Variants in EYS observed in about 807,000 individuals in gnomAD.
The protein encoded by EYS is EGF-like photoreceptor maintenance factor.
A neutral mutation model predicts 282.1 loss-of-function variants in EYS; 250 were observed. The ratio of observed to expected loss-of-function variants is 0.89; its 90% CI spans 0.80 to 0.98. The LOEUF (loss-of-function observed/expected upper bound fraction) is 0.98. Ranked by LOEUF, EYS falls within the 50% of genes least tolerant of loss-of-function variation. The probability of loss-of-function intolerance (pLI) is 0.00; values close to 1 mark genes in which losing one functional copy is unlikely to be tolerated. For synonymous variants in EYS, 1,355 were observed against 1,282.9 expected (o/e 1.06, Z -1.20); for missense variants, 4,016 against 3,709.0 (o/e 1.08, Z -2.15).
intron 2 of EYS, among the ~76,000 whole-genome samples, chr6:65,552,564 T>A (rs1768633194): frequency 6.6e-6 from 1 of 152,154 alleles, no homozygotes; most frequent in Non-Finnish European, 1.5e-5. Context: ...GCTGAATTTC[T>A]CATATATCGA....
Position 63,938,813 on chromosome 6 carries a change from C to T in EYS, c.7055+45570G>A, listed in dbSNP as rs138903799. ...GGAAAAGCCTAATTTCTAAGTCACA[C>T]GTGTACTCAAGGGTGCTGAGTTGGA... is the stretch of plus-strand genomic sequence containing the variant. On this transcript the variant is annotated intron_variant, in intron 35 of 42. Transcript: ENST00000503581. 6.7e-3 allele frequency among the ~76,000 whole-genome samples: 1,019 copies of T among 152,290 alleles called. 14 individuals carry two copies. Among genetic ancestry groups the T allele is most frequent in the African/African-American group, 0.022 (914 of 41,554 alleles).
At chr6:65,187,711 T>C (rs1765546465) in intron 12 of EYS, among the ~76,000 whole-genome samples, 1 of 151,702 alleles carries the variant, frequency 6.6e-6, no homozygotes, top group Admixed American at 6.6e-5. Context: ...AAAAGCAAAC[T>C]CTTCTTTGTC....
At chr6:64,517,868 G>C (rs941021405) in intron 26 of EYS, among the ~76,000 whole-genome samples, 1 of 151,772 alleles carries the variant, frequency 6.6e-6, no homozygotes, top group Non-Finnish European at 1.5e-5. Flanking sequence ...TTAAATCTTT[G>C]TTTCTTTTTA....
chr6:65,309,149 G>C (rs1343520726), intron 11 of EYS, among the ~76,000 whole-genome samples: 1 of 152,204 alleles, frequency 6.6e-6, no homozygotes, highest in African/African-American at 2.4e-5. Context: ...GATAGCTGAT[G>C]AGATATTCTT....
At chr6:64,308,260 G>T (rs1307394096) in intron 29 of EYS, among the ~76,000 whole-genome samples, 4 of 151,986 alleles carry the variant, frequency 2.6e-5, no homozygotes, top group Non-Finnish European at 5.9e-5. Context: ...GGGGAAAAAT[G>T]ATAACAAAAA....
intron 28 of EYS, among the ~76,000 whole-genome samples, chr6:64,429,068 T>C (rs571361102): frequency 6.6e-5 from 10 of 152,192 alleles, no homozygotes; most frequent in African/African-American, 9.6e-5. Context: ...ATAAAAAATA[T>C]CTTTTTCTAG....
At chr6:65,519,045 A>G (rs1767246653) in intron 2 of EYS, among the ~76,000 whole-genome samples, 1 of 152,190 alleles carries the variant, frequency 6.6e-6, no homozygotes, top group Admixed American at 6.5e-5. Context: ...CTTTGAAATG[A>G]AGAAAAATGA....
intron 22 of EYS, among the ~76,000 whole-genome samples, chr6:64,766,279 CT>C (rs1312638127): frequency 2.6e-5 from 4 of 151,556 alleles, no homozygotes; most frequent in African/African-American, 9.7e-5. Flanking sequence ...CTCTCCTTTC[CT>C]TTTTTCTTTC....
In EYS at chr6:64,256,727, A is replaced by T. The variant is rs116639926; in HGVS notation, c.6192-25903T>A. Reference sequence around the variant, plus strand: ...AGCAAAAGTAGTAATTAGATTTGTCATTATGTACTACCAGCTATGAAGGAG... The same window carrying T: ...AGCAAAAGTAGTAATTAGATTTGTCTTTATGTACTACCAGCTATGAAGGAG... On this transcript the variant is annotated intron_variant, in intron 30 of 42. Transcript: ENST00000503581. Among the ~76,000 whole-genome samples the T allele has an allele frequency of 8.9e-3, 1,353 of 152,174 alleles. 9 individuals carry two copies. Among genetic ancestry groups the T allele is most frequent in the Non-Finnish European group, 0.013 (880 of 67,966 alleles).
At chr6:64,042,172 T>C (rs1483232503) in intron 33 of EYS, among the ~76,000 whole-genome samples, 1 of 152,200 alleles carries the variant, frequency 6.6e-6, no homozygotes, top group Non-Finnish European at 1.5e-5. Flanking sequence ...ATATTTTTGG[T>C]TAGTGATGGA....
intron 22 of EYS, among the ~76,000 whole-genome samples, chr6:64,784,885 G>C (rs1390535677): frequency 6.6e-6 from 1 of 152,024 alleles, no homozygotes; most frequent in Non-Finnish European, 1.5e-5. Context: ...ACAGCCCTTA[G>C]ATCAGTTGTA....
At chr6:65,614,511 T>C (rs1766115358) in intron 2 of EYS, among the ~76,000 whole-genome samples, 1 of 152,074 alleles carries the variant, frequency 6.6e-6, no homozygotes, top group Non-Finnish European at 1.5e-5. Context: ...GTCCAATGAA[T>C]GTCATGACTC....
At chr6:64,900,707 C>T (rs942485394) in intron 18 of EYS, among the ~76,000 whole-genome samples, 6 of 151,936 alleles carry the variant, frequency 3.9e-5, no homozygotes, top group Admixed American at 1.3e-4. Flanking sequence ...GTTAGAATGG[C>T]GATCATTAAA....
rs1185867411 is a variant in EYS at position 64,590,603 on chromosome 6, T to A, written c.5264A>T (p.Asp1755Val). Residue 1755 changes from aspartate (D) to valine (V), a missense_variant, in exon 26 of 43, where the codon GAT (aspartate) becomes GTT (valine). Transcript: ENST00000503581. ...DFELNLQIYPDVTLKTYSEIT... is the reference protein window; with the variant it reads ...DFELNLQIYPVVTLKTYSEIT... Reference sequence around the variant, plus strand: ...TTCTGAATATGTCTTTAAAGTAACATCCGGATAAATTTGTAAGTTTAACTC... The same window carrying A: ...TTCTGAATATGTCTTTAAAGTAACAACCGGATAAATTTGTAAGTTTAACTC... The A allele has an allele frequency of 1.9e-5, 29 of 1,551,192 alleles. No homozygotes were observed. Among genetic ancestry groups the A allele is most frequent in the Middle Eastern group, 1.7e-4 (1 of 6,008 alleles).
intron 2 of EYS, among the ~76,000 whole-genome samples, chr6:65,582,972 T>A (rs999821914): frequency 1.3e-5 from 2 of 152,158 alleles, no homozygotes; most frequent in African/African-American, 4.8e-5. Flanking sequence ...ACTAATATAC[T>A]GATAGTGGTA....
intron 29 of EYS, among the ~76,000 whole-genome samples, chr6:64,388,086 A>AT (rs1263385426): frequency 1.3e-5 from 2 of 152,122 alleles, no homozygotes; most frequent in Non-Finnish European, 2.9e-5. Context: ...ACAACCTTCA[A>AT]TTTTTAAAGC....
intron 5 of EYS, among the ~76,000 whole-genome samples, chr6:65,419,326 A>T (rs1282212591): frequency 6.6e-6 from 1 of 151,962 alleles, no homozygotes; most frequent in Admixed American, 6.6e-5. Flanking sequence ...GTTTTAAAAG[A>T]CTGAAAATAC....
At chr6:64,478,319 T>A (rs1386918023) in intron 26 of EYS, among the ~76,000 whole-genome samples, 1 of 151,974 alleles carries the variant, frequency 6.6e-6, no homozygotes, top group East Asian at 1.9e-4. Flanking sequence ...TGTGTTTTTA[T>A]GTCTTTCCAG....
chr6:65,549,254 G>A (rs1189046856), intron 2 of EYS, among the ~76,000 whole-genome samples: 1 of 152,092 alleles, frequency 6.6e-6, no homozygotes, highest in Non-Finnish European at 1.5e-5. Flanking sequence ...TTTTATAGCA[G>A]GCAATGTATT....
Sources: gnomAD v4.1 joint callset for allele counts (sites outside exome capture counted in the v4.1 genomes callset) on GRCh38, gnomAD v4.1.1 for gene constraint, MANE v1.5 for transcripts, NCBI Gene and HGNC (gene_info 2026-07-23, HGNC 2026-07-21) for gene names.